The following GALNTL6 variants were observed in gnomAD, a reference collection of about 807,000 sequenced individuals.
GALNTL6 encodes the protein polypeptide N-acetylgalactosaminyltransferase like 6, also known as polypeptide N-acetylgalactosaminyltransferase-like 6.
GALNTL6 carries 46 observed loss-of-function variants against 73.7 expected under a neutral mutation model. That is an observed-to-expected ratio of 0.62 (90% CI 0.49 to 0.80). GALNTL6 has a LOEUF of 0.80. Ranked by LOEUF, GALNTL6 falls within the 30% of genes least tolerant of loss-of-function variation. The pLI is 0.00. For synonymous variants in GALNTL6, 259 were observed against 263.7 expected (o/e 0.98, Z 0.17); for missense variants, 604 against 755.0 (o/e 0.80, Z 2.34).
At chr4:172,985,088 G>C (rs142508614) in intron 10 of GALNTL6, among the ~76,000 whole-genome samples, 1 of 152,256 alleles carries the variant, frequency 6.6e-6, no homozygotes, top group East Asian at 1.9e-4. Flanking sequence ...GGGGCTACCT[G>C]TGGCTCAAAA....
At chr4:171,856,042 T>C (rs889809253) in intron 2 of GALNTL6, among the ~76,000 whole-genome samples, 9 of 152,192 alleles carry the variant, frequency 5.9e-5, no homozygotes, top group African/African-American at 2.2e-4. Context: ...TTTTTCCCAA[T>C]TGTGTCTTAT....
chr4:172,309,749 A>T (rs1293136593), intron 3 of GALNTL6, among the ~76,000 whole-genome samples: 1 of 120,046 alleles, frequency 8.3e-6, no homozygotes, highest in Non-Finnish European at 2.0e-5. Flanking sequence ...AATTATTTAA[A>T]AATAGTTCAG....
intron 2 of GALNTL6, among the ~76,000 whole-genome samples, chr4:171,818,389 A>G (rs1277677631): frequency 6.6e-6 from 1 of 151,924 alleles, no homozygotes; most frequent in Non-Finnish European, 1.5e-5. Flanking sequence ...TAACTGTAAT[A>G]GTAGTTTAGC....
chr4:171,929,408 A>G (rs1738104170), intron 2 of GALNTL6, among the ~76,000 whole-genome samples: 1 of 151,652 alleles, frequency 6.6e-6, no homozygotes, highest in Non-Finnish European at 1.5e-5. Context: ...AAACATTAAG[A>G]CTCCCTCAAG....
At chr4:172,094,120 A>G (rs1732284227) in intron 2 of GALNTL6, among the ~76,000 whole-genome samples, 1 of 152,194 alleles carries the variant, frequency 6.6e-6, no homozygotes, top group African/African-American at 2.4e-5. Flanking sequence ...AAACTGAGGA[A>G]GCAAATAATT....
chr4:172,615,713 GAAAATAC>G (rs1738700796), intron 5 of GALNTL6, among the ~76,000 whole-genome samples: 1 of 152,074 alleles, frequency 6.6e-6, no homozygotes, highest in African/African-American at 2.4e-5. Flanking sequence ...GAGTAGAACT[GAAAATAC>G]AGTATATAAC....
intron 8 of GALNTL6, among the ~76,000 whole-genome samples, chr4:172,906,112 T>C (rs1276422414): frequency 6.6e-6 from 1 of 152,162 alleles, no homozygotes. Context: ...TTCCCCTGGA[T>C]GAGTTTGGCA....
At chr4:172,399,573 T>C (rs560566328) in intron 5 of GALNTL6, among the ~76,000 whole-genome samples, 1 of 152,202 alleles carries the variant, frequency 6.6e-6, no homozygotes, top group Non-Finnish European at 1.5e-5. Flanking sequence ...CATACTACAT[T>C]CTAACAATTT....
At chr4:172,259,507 T>C (rs1242484763) in intron 3 of GALNTL6, among the ~76,000 whole-genome samples, 1 of 151,544 alleles carries the variant, frequency 6.6e-6, no homozygotes, top group East Asian at 1.9e-4. Flanking sequence ...TTCTGGATAT[T>C]AGTCCTTTGT....
intron 2 of GALNTL6, among the ~76,000 whole-genome samples, chr4:172,111,839 G>T (rs902346533): frequency 6.6e-6 from 1 of 152,004 alleles, no homozygotes; most frequent in Admixed American, 6.6e-5. Context: ...TGCCCCTACA[G>T]CTGCACAGAC....
At chr4:172,174,572 G>T (rs759968524) in intron 2 of GALNTL6, among the ~76,000 whole-genome samples, 1 of 151,994 alleles carries the variant, frequency 6.6e-6, no homozygotes, top group Non-Finnish European at 1.5e-5. Flanking sequence ...TTTATTGGTC[G>T]AGTAGTCCTG....
At chr4:173,013,007 T>A (rs923633546) in intron 11 of GALNTL6, among the ~76,000 whole-genome samples, 2 of 152,178 alleles carry the variant, frequency 1.3e-5, no homozygotes, top group African/African-American at 4.8e-5. Flanking sequence ...GCGTGGTGGC[T>A]GATTATATAC....
intron 5 of GALNTL6, among the ~76,000 whole-genome samples, chr4:172,539,135 G>A (rs1735457103): frequency 6.6e-6 from 1 of 152,154 alleles, no homozygotes; most frequent in African/African-American, 2.4e-5. Flanking sequence ...TCTCCAACTA[G>A]GAAAAATGTA....
intron 2 of GALNTL6, among the ~76,000 whole-genome samples, chr4:171,936,610 C>A (rs1738352006): frequency 6.6e-6 from 1 of 152,036 alleles, no homozygotes; most frequent in Admixed American, 6.6e-5. Flanking sequence ...GTTAACAGTA[C>A]CATTCTTCCC....
At chr4:172,331,541 C>T (rs374875493) in intron 4 of GALNTL6, among the ~76,000 whole-genome samples, 2 of 152,296 alleles carry the variant, frequency 1.3e-5, no homozygotes, top group African/African-American at 4.8e-5. Context: ...CTTCCCAGCT[C>T]CTGTCCCTCT....
intron 2 of GALNTL6, among the ~76,000 whole-genome samples, chr4:171,865,842 CAAAT>C (rs1735956630): frequency 6.6e-6 from 1 of 152,120 alleles, no homozygotes. Flanking sequence ...TGTTTTCTGT[CAAAT>C]AAAATCTTTT....
intron 2 of GALNTL6, among the ~76,000 whole-genome samples, chr4:172,016,427 T>C (rs1296948038): frequency 2.0e-5 from 3 of 152,080 alleles, no homozygotes; most frequent in African/African-American, 7.2e-5. Flanking sequence ...GGTTGTCTTT[T>C]TCTTTATACT....
intron 7 of GALNTL6, among the ~76,000 whole-genome samples, chr4:172,819,953 T>A (rs1741826966): frequency 6.6e-6 from 1 of 152,182 alleles, no homozygotes; most frequent in East Asian, 1.9e-4. Context: ...AGCTGGTAAG[T>A]GAATATCGCA....
chr4:172,051,253 T>G (rs1730851480), intron 2 of GALNTL6, among the ~76,000 whole-genome samples: 1 of 152,066 alleles, frequency 6.6e-6, no homozygotes, highest in South Asian at 2.1e-4. Flanking sequence ...TGGTAACATG[T>G]AGGGGTGGGT....
Sources: gnomAD v4.1 joint callset for allele counts (sites outside exome capture counted in the v4.1 genomes callset) on GRCh38, gnomAD v4.1.1 for gene constraint, MANE v1.5 for transcripts, NCBI Gene and HGNC (gene_info 2026-07-23, HGNC 2026-07-21) for gene names.